The following JAK1 variants were observed in gnomAD, a reference collection of about 807,000 sequenced individuals.
The protein encoded by JAK1 is tyrosine-protein kinase JAK1.
In JAK1, 16 loss-of-function variants were observed where a neutral mutation model predicts 136.6. The observed-to-expected ratio is 0.12, with a 90% CI of 0.08 to 0.18. The LOEUF is 0.18. Among genes scored for constraint, JAK1 ranks in the 10% least tolerant of loss-of-function variants. The pLI is 1.00. For missense variants in JAK1, 859 were observed against 1,450.1 expected (o/e 0.59, Z 6.62); for synonymous variants, 492 against 519.5 (o/e 0.95, Z 0.72).
At chr1:65,029,263 A>AT (rs1315677286) in intron 2 of JAK1, among the ~76,000 whole-genome samples, 2 of 151,704 alleles carry the variant, frequency 1.3e-5, no homozygotes, top group African/African-American at 4.8e-5. Flanking sequence ...TGCCCAGCTA[A>AT]TTTTTTTTGT....
intron 1 of JAK1, among the ~76,000 whole-genome samples, chr1:64,907,186 G>C (rs1277389605): frequency 6.6e-6 from 1 of 152,136 alleles, no homozygotes; most frequent in East Asian, 1.9e-4. Context: ...ACAGTACATG[G>C]GGTTGGAAGT....
At chr1:64,966,851 C>T (rs1646394860), upstream of JAK1, among the ~76,000 whole-genome samples, 2 of 152,040 alleles carry the variant, frequency 1.3e-5, no homozygotes, top group Admixed American at 1.3e-4. Flanking sequence ...AGATTGACCC[C>T]TCCCAGCTCT....
chr1:64,909,205 T>C (rs1322730221), intron 1 of JAK1, among the ~76,000 whole-genome samples: 1 of 152,240 alleles, frequency 6.6e-6, no homozygotes, highest in Non-Finnish European at 1.5e-5. Flanking sequence ...TGTATCTCTT[T>C]TCCTAGTTTT....
chr1:65,050,174 T>G (rs1647246235), intron 1 of JAK1, among the ~76,000 whole-genome samples: 1 of 152,158 alleles, frequency 6.6e-6, no homozygotes, highest in South Asian at 2.1e-4. Context: ...TTTTCTACTG[T>G]GAACTCCATG....
intron 1 of JAK1, among the ~76,000 whole-genome samples, chr1:64,897,308 TA>T (rs1275554991): frequency 6.6e-6 from 1 of 150,878 alleles, no homozygotes; most frequent in Non-Finnish European, 1.5e-5. Context: ...TGAGCACCTG[TA>T]GTCCCAGCTA....
At chr1:65,050,858 T>G (rs1647264775) in intron 1 of JAK1, among the ~76,000 whole-genome samples, 1 of 152,176 alleles carries the variant, frequency 6.6e-6, no homozygotes, top group Admixed American at 6.5e-5. Flanking sequence ...ACTAGCTGTG[T>G]GGCTTAGGGA....
At chr1:64,846,626 C>T (rs1004495272) in intron 14 of JAK1, 23 bp downstream of exon 14, 1 of 1,595,268 alleles carries the variant, frequency 6.3e-7, no homozygotes, top group Non-Finnish European at 8.6e-7. Flanking sequence ...GCCACCCACC[C>T]CTTTGAAAGA....
chr1:64,925,370 T>A (rs886678226), intron 1 of JAK1, among the ~76,000 whole-genome samples: 1 of 152,020 alleles, frequency 6.6e-6, no homozygotes, highest in Admixed American at 6.6e-5. Flanking sequence ...CACACCAGCC[T>A]GGGAGACAAG....
intron 7 of JAK1, 64 bp from the exon 8 acceptor site, chr1:64,865,036 C>T: frequency 7.4e-7 from 1 of 1,360,142 alleles, no homozygotes; most frequent in Non-Finnish European, 1.0e-6. Flanking sequence ...GGTAAAAGGT[C>T]AGTGCTGCTG....
At chr1:65,037,001 C>T (rs2100826335) in intron 2 of JAK1, among the ~76,000 whole-genome samples, 1 of 152,312 alleles carries the variant, frequency 6.6e-6, no homozygotes, top group South Asian at 2.1e-4. Flanking sequence ...GCCTGGTTAA[C>T]ATTGCAAGAC....
chr1:64,839,722 T>G lies in JAK1; in HGVS notation c.2723A>C (p.Lys908Thr). The G allele has an allele frequency of 6.2e-7, 1 of 1,614,242 alleles. No individual in the cohort carries two copies. The highest frequency in any genetic ancestry group is 1.7e-5 in the Admixed American group (1 of 60,030). The change falls in exon 20 of 25, where the codon AAA (lysine) becomes ACA (threonine). Residue 908 changes from lysine to threonine, a missense_variant. Lys to Thr is a moderately conservative substitution (Grantham distance 78, BLOSUM62 -1). This residue lies in a region of JAK1 where 409 missense variants were observed against 753.8 expected (regional missense o/e 0.54). Transcript: ENST00000342505. ...GDNTGEQVAV[K>T]SLKPESGGNH... ...ACCTCCACTCTCAGGCTTCAGAGAT[T>G]TAACAGCCACCTGCTCCCCTGTATT...
At chr1:64,865,541 T>C (rs1656644090) in intron 7 of JAK1, among the ~76,000 whole-genome samples, 1 of 152,234 alleles carries the variant, frequency 6.6e-6, no homozygotes, top group Admixed American at 6.5e-5. Flanking sequence ...CTAGGTTAAG[T>C]TCCTGCCTCT....
At chr1:65,010,354 C>T (rs1440584796) in intron 2 of JAK1, among the ~76,000 whole-genome samples, 3 of 152,146 alleles carry the variant, frequency 2.0e-5, no homozygotes, top group Admixed American at 2.0e-4. Flanking sequence ...CTCCTGCCCT[C>T]AGAACACTTG....
At chr1:64,897,565 G>A (rs1570730535) in intron 1 of JAK1, among the ~76,000 whole-genome samples, 1 of 108,336 alleles carries the variant, frequency 9.2e-6, no homozygotes, top group Non-Finnish European at 1.9e-5. Flanking sequence ...AGGAGGAGGA[G>A]GAGGAGGAGG....
At chr1:64,904,189 G>A (rs1287014064) in intron 1 of JAK1, among the ~76,000 whole-genome samples, 1 of 152,170 alleles carries the variant, frequency 6.6e-6, no homozygotes, top group Non-Finnish European at 1.5e-5. Context: ...ACCAGAAAAT[G>A]TCACAGTCAG....
intron 2 of JAK1, among the ~76,000 whole-genome samples, chr1:65,034,160 A>G (rs781409261): frequency 5.3e-5 from 8 of 152,216 alleles, no homozygotes; most frequent in Non-Finnish European, 1.0e-4. Context: ...AGACATAAAG[A>G]TTGGCTGAAT....
chr1:65,047,835 T>C (rs1409089655), intron 1 of JAK1, among the ~76,000 whole-genome samples: 1 of 151,980 alleles, frequency 6.6e-6, no homozygotes, highest in Non-Finnish European at 1.5e-5. Flanking sequence ...TGTGCAAGTG[T>C]TAATGCTATG....
upstream of JAK1, among the ~76,000 whole-genome samples, chr1:64,967,722 C>G (rs1032938203): frequency 2.0e-5 from 3 of 152,186 alleles, no homozygotes; most frequent in Non-Finnish European, 4.4e-5. Context: ...CCAGTAACCA[C>G]CTGTGTTGCC....
At chr1:65,036,057 C>G (rs1647070194) in intron 2 of JAK1, among the ~76,000 whole-genome samples, 2 of 151,470 alleles carry the variant, frequency 1.3e-5, no homozygotes, top group African/African-American at 4.9e-5. Context: ...GACAGAGACT[C>G]TCTCTCAAAA....
Sources: gnomAD v4.1 joint callset for allele counts (sites outside exome capture counted in the v4.1 genomes callset) on GRCh38, gnomAD v4.1.1 for gene constraint, gnomAD v4.1.1 regional missense constraint, MANE v1.5 for transcripts, NCBI Gene and HGNC (gene_info 2026-07-23, HGNC 2026-07-21) for gene names.